The following PDXDC1 variants were observed in gnomAD, a reference collection of about 807,000 sequenced individuals.
PDXDC1 encodes pyridoxal dependent decarboxylase domain containing 1, also known as pyridoxal-dependent decarboxylase domain-containing protein 1.
Under a neutral mutation model 100.1 loss-of-function variants are expected in PDXDC1, and 42 were observed. The ratio of observed to expected loss-of-function variants is 0.42; its 90% confidence interval spans 0.33 to 0.54. The LOEUF is 0.54. Ranked by LOEUF, PDXDC1 falls within the 20% of genes least tolerant of loss-of-function variation. The probability of loss-of-function intolerance (pLI) is 0.10; values close to 1 mark genes in which losing one functional copy is unlikely to be tolerated. For synonymous variants in PDXDC1, 260 were observed against 371.7 expected (o/e 0.70, Z 3.46); for missense variants, 636 against 979.2 (o/e 0.65, Z 4.68).
At chr16:15,108,315 C>G in intron 16 of PDXDC1, 2 of 914,578 alleles carry the variant, frequency 2.2e-6, no homozygotes, top group East Asian at 1.1e-4. Context: ...ATTCCCAGAA[C>G]GCTAGGAAAC....
At chr16:15,070,980 A>G in intron 16 of PDXDC1, 1 of 621,918 alleles carries the variant, frequency 1.6e-6, no homozygotes, top group Non-Finnish European at 2.7e-6. Flanking sequence ...ACTTAGAAAT[A>G]TAAACATCTT....
At chr16:15,128,426 G>A in intron 16 of PDXDC1, 2 of 1,232,356 alleles carry the variant, frequency 1.6e-6, no homozygotes, top group Non-Finnish European at 1.2e-6. Flanking sequence ...GGCTCGGTCT[G>A]CTGCCCAACA....
intron 13 of PDXDC1, among the ~76,000 whole-genome samples, chr16:15,023,661 GA>G (rs900929855): frequency 7.9e-5 from 12 of 152,180 alleles, no homozygotes; most frequent in African/African-American, 2.6e-4. Flanking sequence ...TCTCAAGGAA[GA>G]AAAAAAAATG....
intron 16 of PDXDC1, among the ~76,000 whole-genome samples, chr16:15,122,925 GAGA>G (rs1211779659): frequency 5.4e-5 from 8 of 148,858 alleles, no homozygotes; most frequent in African/African-American, 1.7e-4. Flanking sequence ...GGAGGAGGAG[GAGA>G]AGAAGAAAGG....
intron 14 of PDXDC1, among the ~76,000 whole-genome samples, chr16:15,027,021 C>T (rs191844439): frequency 1.4e-5 from 2 of 139,520 alleles, no homozygotes; most frequent in East Asian, 2.5e-4. Context: ...TAGGTTGTGC[C>T]CAGGAATCTG....
At chr16:15,066,162 C>G (rs1480013932) in intron 16 of PDXDC1, among the ~76,000 whole-genome samples, 14 of 152,124 alleles carry the variant, frequency 9.2e-5, no homozygotes, top group Admixed American at 5.2e-4. Flanking sequence ...AGGCTCACAG[C>G]ACTTGACCCC....
At chr16:15,149,070 C>A in the PDXDC1 span, among the ~76,000 whole-genome samples, 1 of 152,204 alleles carries the variant, frequency 6.6e-6, no homozygotes. Flanking sequence ...ATGCAGGATG[C>A]AGGTCCTCAC....
intron 1 of PDXDC1, among the ~76,000 whole-genome samples, chr16:14,986,182 C>T (rs1416366895): frequency 2.0e-5 from 3 of 152,342 alleles, no homozygotes; most frequent in East Asian, 1.9e-4. Context: ...CTATTAAAGT[C>T]TCAGTTCTGG....
rs2043489697 is a variant in PDXDC1 at position 15,036,940 on chromosome 16, G to C, written c.*665G>C. ...ACCGTTTGTAAAGAGAAACTGTAAAGTCTCCTCCTGACCATATATTTTTAA... is the reference window on the plus strand; with the variant it reads ...ACCGTTTGTAAAGAGAAACTGTAAACTCTCCTCCTGACCATATATTTTTAA... On this transcript the variant is annotated 3_prime_UTR_variant, in exon 23 of 23. Coordinates refer to ENST00000396410, the MANE Select transcript of PDXDC1 (RefSeq NM_015027.4). 6.6e-6 allele frequency: 1 copy of C among 152,546 alleles called. No individual in the cohort carries two copies. Among genetic ancestry groups the C allele is most frequent in the Non-Finnish European group, 1.5e-5 (1 of 68,328 alleles). 9.4% of individuals were successfully genotyped at this position (152,546 alleles called of 1,614,324 possible). A position where few individuals can be genotyped will look rare whatever the true frequency, so the allele number is the denominator to read the frequency against.
chr16:15,128,357 C>T (rs777551546), intron 16 of PDXDC1: 1 of 1,606,226 alleles, frequency 6.2e-7, no homozygotes, highest in Non-Finnish European at 8.5e-7. Flanking sequence ...CTGTCCACCC[C>T]ATACAGCATG....
intron 16 of PDXDC1, chr16:15,137,220 G>A: frequency 2.7e-6 from 2 of 753,312 alleles, no homozygotes; most frequent in Non-Finnish European, 4.5e-6. Flanking sequence ...CCGGAGGCCA[G>A]GGGTCCGTGG....
chr16:15,056,053 C>T (rs992240739), intron 16 of PDXDC1: 103 of 567,770 alleles, frequency 1.8e-4, no homozygotes, highest in Non-Finnish European at 2.3e-4. Flanking sequence ...GCCCCCGCCC[C>T]TCGGGCCGCG....
At chr16:15,060,219 G>T in intron 16 of PDXDC1, 1 of 371,178 alleles carries the variant, frequency 2.7e-6, no homozygotes, top group Non-Finnish European at 5.3e-6. Flanking sequence ...AATTTCTGGG[G>T]AATTTCGTTT....
At chr16:15,052,585 A>G (rs2044338872) in intron 16 of PDXDC1, among the ~76,000 whole-genome samples, 1 of 152,244 alleles carries the variant, frequency 6.6e-6, no homozygotes, top group African/African-American at 2.4e-5. Flanking sequence ...CTGTAATCCC[A>G]GCACTTTGGA....
At position 15,032,054 on chromosome 16, in the gene PDXDC1, A is replaced by G. The variant is rs574725305; in HGVS notation, c.1571+148A>G. On this transcript the variant is annotated intron_variant, in intron 17 of 22. Transcript: ENST00000396410. ...ATGCAACTCGGTTTTCTGGGCATTTACAAAAGCACAGTGCAAGCAGGCAAT... is the reference window on the plus strand; with the variant it reads ...ATGCAACTCGGTTTTCTGGGCATTTGCAAAAGCACAGTGCAAGCAGGCAAT... 9.9e-5 allele frequency: 71 copies of G among 720,188 alleles called. 2 individuals are homozygous for G. The South Asian group carries it at 1.2e-3, about 13-fold the overall frequency. The allele number at this position is 720,188 out of a possible 1,614,324, so 44.6% of individuals were successfully genotyped here.
At chr16:15,089,615 A>G (rs1197072088) in intron 16 of PDXDC1, among the ~76,000 whole-genome samples, 2 of 151,720 alleles carry the variant, frequency 1.3e-5, no homozygotes, top group Admixed American at 6.6e-5. Context: ...CCTGGCTAAC[A>G]TGGTGAAACC....
intron 12 of PDXDC1, among the ~76,000 whole-genome samples, chr16:15,020,225 T>G (rs1266099812): frequency 6.6e-6 from 1 of 152,030 alleles, no homozygotes; most frequent in East Asian, 1.9e-4. Context: ...TTCTTACCTG[T>G]GAAATATAAA....
intron 16 of PDXDC1, chr16:15,135,891 C>G (rs1402737006): frequency 6.3e-7 from 1 of 1,576,086 alleles, no homozygotes; most frequent in South Asian, 1.1e-5. Flanking sequence ...TAGTGCCCCA[C>G]AGGCAGCGCC....
At chr16:15,131,132 G>C in intron 16 of PDXDC1, 2 of 1,601,952 alleles carry the variant, frequency 1.2e-6, no homozygotes, top group Non-Finnish European at 1.7e-6. Context: ...ACGGCCGCAG[G>C]GTTGCTGCTG....
Sources: gnomAD v4.1 joint callset for allele counts (sites outside exome capture counted in the v4.1 genomes callset) on GRCh38, gnomAD v4.1.1 for gene constraint, MANE v1.5 for transcripts, NCBI Gene and HGNC (gene_info 2026-07-23, HGNC 2026-07-21) for gene names.